PTPRN2: variants seen among roughly 807,000 people sequenced by gnomAD.
PTPRN2 encodes the protein protein tyrosine phosphatase receptor type N2.
PTPRN2 carries 74 observed loss-of-function variants against 118.8 expected under a neutral mutation model. The observed-to-expected ratio is 0.62, with a 90% CI of 0.52 to 0.76. PTPRN2 has a LOEUF of 0.76. Ranked by LOEUF, PTPRN2 falls within the 30% of genes least tolerant of loss-of-function variation. The pLI, the probability that PTPRN2 is intolerant of heterozygous loss-of-function variation, is 0.00. For missense variants in PTPRN2, 1,481 were observed against 1,394.4 expected, an observed-to-expected ratio of 1.06 and a Z score of -0.99; for synonymous variants, 641 against 608.0, an observed-to-expected ratio of 1.05 and a Z score of -0.80.
chr7:158,533,008 G>A (rs1175537383), intron 1 of PTPRN2, among the ~76,000 whole-genome samples: 1 of 152,162 alleles, frequency 6.6e-6, no homozygotes, highest in Non-Finnish European at 1.5e-5. Context: ...ACAAACACAA[G>A]CAAACAGAAC....
intron 12 of PTPRN2, among the ~76,000 whole-genome samples, chr7:157,769,500 CAGAT>C (rs1767514879): frequency 6.6e-6 from 1 of 152,172 alleles, no homozygotes; most frequent in African/African-American, 2.4e-5. Flanking sequence ...AAATGGAACA[CAGAT>C]AGGATTTTGG....
intron 5 of PTPRN2, among the ~76,000 whole-genome samples, chr7:158,172,447 A>C (rs1272096190): frequency 6.6e-6 from 1 of 151,488 alleles, no homozygotes; most frequent in Non-Finnish European, 1.5e-5. Flanking sequence ...CATCTTCACC[A>C]TCCACAGCAC....
intron 3 of PTPRN2, among the ~76,000 whole-genome samples, chr7:158,239,178 C>A (rs909374862): frequency 6.6e-6 from 1 of 152,196 alleles, no homozygotes; most frequent in African/African-American, 2.4e-5. Flanking sequence ...TGTTCCTCTG[C>A]GCCTTTTCCA....
At chr7:158,469,077 T>G (rs1379159020) in intron 2 of PTPRN2, among the ~76,000 whole-genome samples, 2 of 152,224 alleles carry the variant, frequency 1.3e-5, no homozygotes, top group African/African-American at 4.8e-5. Context: ...TCCTGGTGGA[T>G]CAACACTATG....
At chr7:158,562,063 A>C (rs1419048535) in intron 1 of PTPRN2, among the ~76,000 whole-genome samples, 5 of 152,214 alleles carry the variant, frequency 3.3e-5, no homozygotes, top group Non-Finnish European at 7.3e-5. Flanking sequence ...CTCCAAGAGA[A>C]GTCTCTCTGT....
At chr7:158,445,361 C>G (rs568007859) in intron 2 of PTPRN2, among the ~76,000 whole-genome samples, 13 of 152,306 alleles carry the variant, frequency 8.5e-5, no homozygotes, top group Non-Finnish European at 1.6e-4. Context: ...CTAATTAAAT[C>G]CCCCCGTCTG....
intron 5 of PTPRN2, among the ~76,000 whole-genome samples, chr7:158,188,056 G>A (rs1003252071): frequency 6.6e-6 from 1 of 151,928 alleles, no homozygotes; most frequent in Non-Finnish European, 1.5e-5. Flanking sequence ...CCTGGGGAGC[G>A]GCAGGGTCGC....
chr7:158,384,298 G>A (rs1365198927), intron 2 of PTPRN2, among the ~76,000 whole-genome samples: 23 of 152,134 alleles, frequency 1.5e-4, no homozygotes, highest in Admixed American at 1.3e-3. Context: ...AGGACCTTTC[G>A]GCCAGACACC....
chr7:158,390,403 T>G (rs921182613), intron 2 of PTPRN2, among the ~76,000 whole-genome samples: 2 of 152,096 alleles, frequency 1.3e-5, no homozygotes, highest in Non-Finnish European at 2.9e-5. Context: ...AAAGAACACG[T>G]AAAGTGGAAT....
At chr7:158,337,765 T>A (rs1199694493) in intron 2 of PTPRN2, among the ~76,000 whole-genome samples, 1 of 52,352 alleles carries the variant, frequency 1.9e-5, no homozygotes, top group Admixed American at 1.9e-4. Context: ...AGGTGACACC[T>A]GCAAACGTCA....
intron 12 of PTPRN2, among the ~76,000 whole-genome samples, chr7:157,691,108 G>A (rs1302879559): frequency 1.5e-5 from 2 of 132,526 alleles, no homozygotes; most frequent in African/African-American, 2.8e-5. Context: ...AATTGGCTAA[G>A]GGGCCGCGGC....
intron 12 of PTPRN2, among the ~76,000 whole-genome samples, chr7:157,705,781 G>T (rs183096636): frequency 4.0e-5 from 6 of 150,890 alleles, no homozygotes; most frequent in Non-Finnish European, 8.8e-5. Flanking sequence ...CCGGATAAAC[G>T]CGGACCATAT....
intron 2 of PTPRN2, among the ~76,000 whole-genome samples, chr7:158,327,283 GCT>G (rs1275208205): frequency 2.0e-5 from 3 of 147,244 alleles, no homozygotes; most frequent in African/African-American, 7.6e-5. Flanking sequence ...GCTCACACAT[GCT>G]CACACATGTA....
At position 157,785,785 on chromosome 7, in the gene PTPRN2, G is replaced by A. The variant is rs75557077; in HGVS notation, c.1789-102848C>T. 0.013 allele frequency among the ~76,000 whole-genome samples: 1,981 copies of A among 152,262 alleles called. 40 individuals are homozygous for A. The highest frequency in any genetic ancestry group is 0.045 in the African/African-American group (1,852 of 41,546). ...AGGTACACAGTCTAGCAGCTGCCAC[G>A]CCCGGCTGGGAGCTGAGACGCGCAG... On this transcript the variant is annotated intron_variant, in intron 12 of 22. Coordinates refer to ENST00000389418, the MANE Select transcript of PTPRN2 (RefSeq NM_002847.5). This position sits in a 1 kb window ranked among gnomAD's most constrained non-coding sequence, Gnocchi z 7.3.
chr7:158,197,655 G>T (rs575549788), intron 4 of PTPRN2, among the ~76,000 whole-genome samples: 1 of 152,290 alleles, frequency 6.6e-6, no homozygotes, highest in Non-Finnish European at 1.5e-5. Flanking sequence ...AGCATGGCTG[G>T]GGAGGTCTCA....
intron 11 of PTPRN2, among the ~76,000 whole-genome samples, chr7:158,079,776 C>T (rs1255523052): frequency 1.3e-5 from 2 of 152,188 alleles, no homozygotes; most frequent in Non-Finnish European, 2.9e-5. Flanking sequence ...GTTGTTGGGA[C>T]CCCCCATTCC....
intron 11 of PTPRN2, among the ~76,000 whole-genome samples, chr7:157,995,960 TTC>T (rs1183289381): frequency 6.6e-6 from 1 of 152,136 alleles, no homozygotes; most frequent in Admixed American, 6.5e-5. Context: ...AAGGATGAAG[TTC>T]TGTCTGTTGC....
At chr7:157,910,405 G>A (rs1467708889) in intron 11 of PTPRN2, among the ~76,000 whole-genome samples, 1 of 146,468 alleles carries the variant, frequency 6.8e-6, no homozygotes, top group Non-Finnish European at 1.5e-5. Flanking sequence ...GACGGGTCCA[G>A]GATCACGCAC....
rs957599670 is a variant in PTPRN2, at chr7:158,394,784, C to T, written c.164-77852G>A. On this transcript the variant is annotated intron_variant, in intron 2 of 22. Coordinates refer to ENST00000389418, the MANE Select transcript of PTPRN2 (RefSeq NM_002847.5). ...ACAGAGGGTGTGCGGCAGGGGCTGC[C>T]CCTCCACCTGACTCAGTGTTGGAGA... Among the ~76,000 whole-genome samples, 3 of 152,304 alleles carry T rather than the reference C, an allele frequency of 2.0e-5. No homozygotes were observed. In the East Asian group the frequency reaches 5.8e-4, roughly 29 times the overall value.
Sources: gnomAD v4.1 joint callset for allele counts (sites outside exome capture counted in the v4.1 genomes callset) on GRCh38, gnomAD v4.1.1 for gene constraint, Gnocchi (gnomAD v3.1) non-coding constraint, MANE v1.5 for transcripts, NCBI Gene and HGNC (gene_info 2026-07-23, HGNC 2026-07-21) for gene names.